CCDC85C: variants seen among roughly 807,000 people sequenced by gnomAD.
CCDC85C encodes coiled-coil domain containing 85C.
In CCDC85C, 18 loss-of-function variants were observed where a neutral mutation model predicts 38.3. The ratio of observed to expected loss-of-function variants is 0.47; its 90% CI spans 0.33 to 0.70. CCDC85C has a LOEUF of 0.70. Ranked by LOEUF, CCDC85C falls within the 30% of genes least tolerant of loss-of-function variation. The pLI is 0.03. For synonymous variants in CCDC85C, 264 were observed against 293.8 expected (o/e 0.90, Z 1.04); for missense variants, 566 against 621.2 (o/e 0.91, Z 0.94).
At position 99,533,743 on chromosome 14, in the gene CCDC85C, C is replaced by T. The variant is rs764868023; in HGVS notation, c.867+2272G>A. Among the ~76,000 whole-genome samples the T allele has an allele frequency of 6.6e-6, 1 of 152,188 alleles. No homozygotes were observed. Among genetic ancestry groups the T allele is most frequent in the Non-Finnish European group, 1.5e-5 (1 of 68,018 alleles). On this transcript the variant is annotated intron_variant, in intron 2 of 5. Transcript: ENST00000380243. The surrounding 1 kb of genome is among the most constrained non-coding windows in gnomAD (Gnocchi z 4.2). The stretch of plus-strand genomic sequence containing the variant: ...CCTGGGCAGAGCCAGCCCGTCCATC[C>T]TTGAGGCTCAAGGCTGAAGCTCCCA...
intron 1 of CCDC85C, among the ~76,000 whole-genome samples, chr14:99,547,979 G>A (rs1897838157): frequency 6.6e-6 from 1 of 151,918 alleles, no homozygotes. Flanking sequence ...TTAAAACAAA[G>A]AGAACATTTT....
At chr14:99,547,984 C>G (rs1390759416) in intron 1 of CCDC85C, among the ~76,000 whole-genome samples, 1 of 151,984 alleles carries the variant, frequency 6.6e-6, no homozygotes, top group African/African-American at 2.4e-5. Flanking sequence ...ACAAAGAGAA[C>G]ATTTTAAAGA....
intron 1 of CCDC85C, among the ~76,000 whole-genome samples, chr14:99,539,790 A>G (rs1897675343): frequency 6.6e-6 from 1 of 152,176 alleles, no homozygotes; most frequent in Non-Finnish European, 1.5e-5. Flanking sequence ...TTATTTATTC[A>G]CATCGTTTCT....
At chr14:99,524,064 C>G (rs182911655) in intron 2 of CCDC85C, among the ~76,000 whole-genome samples, 1 of 145,868 alleles carries the variant, frequency 6.9e-6, no homozygotes, top group South Asian at 2.3e-4. Context: ...TGGGTCACCT[C>G]TCCTGAGAGA....
intron 2 of CCDC85C, among the ~76,000 whole-genome samples, chr14:99,534,222 G>A (rs901781938): frequency 6.6e-6 from 1 of 152,118 alleles, no homozygotes; most frequent in Admixed American, 6.5e-5. Context: ...AGGCGTGGTG[G>A]CTCATGCCTG....
chr14:99,549,957 A>C (rs1365161473), intron 1 of CCDC85C, among the ~76,000 whole-genome samples: 1 of 152,238 alleles, frequency 6.6e-6, no homozygotes, highest in African/African-American at 2.4e-5. Flanking sequence ...ATCTCTGTTC[A>C]GAAGAGGCAG....
In CCDC85C at chr14:99,507,175, A is replaced by C. The variant is rs780803236; in HGVS notation, c.*8071T>G. The C allele has an allele frequency of 1.5e-6, 2 of 1,367,978 alleles. No individual in the cohort carries two copies. The highest frequency in any genetic ancestry group is 2.3e-5 in the East Asian group (1 of 43,796). The allele number at this position is 1,367,978 out of a possible 1,614,324, so 84.7% of individuals were successfully genotyped here. On this transcript the variant is annotated 3_prime_UTR_variant, in exon 6 of 6. Coordinates refer to ENST00000380243, the MANE Select transcript of CCDC85C (RefSeq NM_001144995.2). ...AAGCATCTGCTGAAGCAGCTTGGCCAGCTGTGCACATCGCCTCTGAATGTT... is the reference window on the plus strand; with the variant it reads ...AAGCATCTGCTGAAGCAGCTTGGCCCGCTGTGCACATCGCCTCTGAATGTT...
At chr14:99,595,962 G>A (rs2055138450) in intron 1 of CCDC85C, among the ~76,000 whole-genome samples, 1 of 152,368 alleles carries the variant, frequency 6.6e-6, no homozygotes, top group South Asian at 2.1e-4. Context: ...TGCCAAGGCT[G>A]GGAGTCAAGA....
At chr14:99,541,667 G>A (rs1202055805) in intron 1 of CCDC85C, among the ~76,000 whole-genome samples, 2 of 152,202 alleles carry the variant, frequency 1.3e-5, no homozygotes, top group Non-Finnish European at 2.9e-5. Context: ...TGCCCAAGAG[G>A]AGAATGGACA....
rs575989374 is a variant in CCDC85C, at chr14:99,588,142, A to G, written c.793+15025T>C. ...CCTCCAGCTGCCAATCAGCAGACCA[A>G]CAAGGGGCAGGTCTGGGGAGACAAG... On this transcript the variant is annotated intron_variant, in intron 1 of 5. Coordinates refer to ENST00000380243, the MANE Select transcript of CCDC85C (RefSeq NM_001144995.2). This position sits in a 1 kb window ranked among gnomAD's most constrained non-coding sequence, Gnocchi z 5.0. Among the ~76,000 whole-genome samples the G allele has an allele frequency of 1.1e-4, 16 of 152,288 alleles. No homozygotes were observed. In the South Asian group the frequency reaches 3.3e-3, roughly 32 times the overall value.
chr14:99,596,538 G>A (rs1168768524), intron 1 of CCDC85C, among the ~76,000 whole-genome samples: 3 of 152,242 alleles, frequency 2.0e-5, no homozygotes, highest in Non-Finnish European at 4.4e-5. Context: ...GCGGTGACCT[G>A]CTGAAGAACA....
At chr14:99,585,107 AAAG>A (rs1487991560) in intron 1 of CCDC85C, among the ~76,000 whole-genome samples, 1 of 152,118 alleles carries the variant, frequency 6.6e-6, no homozygotes, top group Non-Finnish European at 1.5e-5. Context: ...CCACCCCCAA[AAAG>A]AAGAACTGCC....
chr14:99,556,766 A>G (rs1038144922), intron 1 of CCDC85C, among the ~76,000 whole-genome samples: 16 of 152,150 alleles, frequency 1.1e-4, no homozygotes, highest in African/African-American at 3.6e-4. Flanking sequence ...GGTTCAAGCA[A>G]TCCGCCTGCC....
At chr14:99,561,897 G>T (rs992632385) in intron 1 of CCDC85C, among the ~76,000 whole-genome samples, 1 of 152,192 alleles carries the variant, frequency 6.6e-6, no homozygotes, top group African/African-American at 2.4e-5. Context: ...ACTCAGTAGG[G>T]AATGGCACCA....
At chr14:99,592,293 G>A (rs1243033605) in intron 1 of CCDC85C, among the ~76,000 whole-genome samples, 2 of 152,188 alleles carry the variant, frequency 1.3e-5, no homozygotes, top group African/African-American at 4.8e-5. Flanking sequence ...ACTCTGAGGG[G>A]TCGTGGGTTA....
chr14:99,502,967 C>A lies in CCDC85C; in HGVS notation c.*12279G>T, dbSNP rs1191788942. On this transcript the variant is annotated 3_prime_UTR_variant, in exon 6 of 6. Coordinates refer to ENST00000380243, the MANE Select transcript of CCDC85C (RefSeq NM_001144995.2). ...CTCTCCGCAGCCCAGTTCTCCCCGA[C>A]AGGTTAAGCGAGCCGTGGTGAGTGG... is the stretch of plus-strand genomic sequence containing the variant. 1 of 1,613,986 alleles carries A rather than the reference C, an allele frequency of 6.2e-7. No individual in the cohort carries two copies.
intron 2 of CCDC85C, chr14:99,522,599 G>C (rs1235372652): frequency 5.1e-6 from 1 of 197,050 alleles, no homozygotes; most frequent in African/African-American, 2.3e-5. Context: ...TCCTGCCCTT[G>C]GGTCCCTGCA....
At chr14:99,574,637 CGGAGAG>C (rs1324771390) in intron 1 of CCDC85C, among the ~76,000 whole-genome samples, 1 of 152,156 alleles carries the variant, frequency 6.6e-6, no homozygotes, top group Non-Finnish European at 1.5e-5. Context: ...AAGGGGAGAG[CGGAGAG>C]GAGAGGCAGT....
rs1343694556 is a variant in CCDC85C at position 99,573,265 on chromosome 14, G to A, written c.793+29902C>T. 3.9e-5 allele frequency among the ~76,000 whole-genome samples: 6 copies of A among 152,318 alleles called. No homozygotes were observed. In the South Asian group the frequency reaches 1.2e-3, roughly 32 times the overall value. On this transcript the variant is annotated intron_variant, in intron 1 of 5. Transcript: ENST00000380243. ...CCTGCAGGGGATTGAGCCATGGGTGGCCAGGACTCTAGCAGGAACCCTCAG... is the reference window on the plus strand; with the variant it reads ...CCTGCAGGGGATTGAGCCATGGGTGACCAGGACTCTAGCAGGAACCCTCAG...
Sources: gnomAD v4.1 joint callset for allele counts (sites outside exome capture counted in the v4.1 genomes callset) on GRCh38, gnomAD v4.1.1 for gene constraint, Gnocchi (gnomAD v3.1) non-coding constraint, MANE v1.5 for transcripts, NCBI Gene and HGNC (gene_info 2026-07-23, HGNC 2026-07-21) for gene names.